The following CELSR1 variants were observed in gnomAD, a reference collection of about 807,000 sequenced individuals.
The protein encoded by CELSR1 is cadherin EGF LAG seven-pass G-type receptor 1.
A neutral mutation model predicts 249.1 loss-of-function variants in CELSR1; 110 were observed. The observed-to-expected ratio is 0.44, with a 90% confidence interval of 0.38 to 0.52. The LOEUF is 0.52. Among genes scored for constraint, CELSR1 ranks in the 20% least tolerant of loss-of-function variants. CELSR1 has a pLI of 0.00. For missense variants in CELSR1, 4,109 were observed against 4,296.4 expected (o/e 0.96, Z 1.22); for synonymous variants, 2,113 against 1,900.0 (o/e 1.11, Z -2.92).
rs1384438320 is a variant in CELSR1 at position 46,536,647 on chromosome 22, G to A, written c.524C>T (p.Pro175Leu). ...CAGACGCAGGCGGACCGAGCCGCCC[G>A]GCGGCAGGCAGATGGGACGGCCGGG... is the stretch of plus-strand genomic sequence containing the variant. ...RCPGRPICLP[P>L]GGSVRLRLLC... Residue 175 changes from proline to leucine, a missense_variant, in exon 1 of 35, where the codon CCG becomes CTG. Coordinates refer to ENST00000674500, the MANE Select transcript of CELSR1 (RefSeq NM_001378328.1). 1.7e-6 allele frequency: 2 copies of A among 1,167,268 alleles called. No individual in the cohort carries two copies. The highest frequency in any genetic ancestry group is 2.1e-6 in the Non-Finnish European group (2 of 948,396). 72.3% of individuals were successfully genotyped at this position (1,167,268 alleles called of 1,614,324 possible).
At chr22:46,516,857 C>T (rs2080633327) in intron 1 of CELSR1, among the ~76,000 whole-genome samples, 1 of 152,210 alleles carries the variant, frequency 6.6e-6, no homozygotes, top group Non-Finnish European at 1.5e-5. Flanking sequence ...AGGCAGGCGG[C>T]CGAGGGCTGT....
Position 46,362,602 on chromosome 22 carries a change from G to A in CELSR1, c.*621C>T, listed in dbSNP as rs1256436474. 6.5e-6 allele frequency: 1 copy of A among 152,868 alleles called. No individual in the cohort carries two copies. Among genetic ancestry groups the A allele is most frequent in the African/African-American group, 2.4e-5 (1 of 41,468 alleles). 9.5% of individuals were successfully genotyped at this position (152,868 alleles called of 1,614,324 possible). A position where few individuals can be genotyped will look rare whatever the true frequency, so the allele number is the denominator to read the frequency against. ...AGTACAACTGTGCAATCTTGACAGAGAAGACAGCAAGAGATCATTGCATGG... is the reference window on the plus strand; with the variant it reads ...AGTACAACTGTGCAATCTTGACAGAAAAGACAGCAAGAGATCATTGCATGG... On this transcript the variant is annotated 3_prime_UTR_variant, in exon 35 of 35. Coordinates refer to ENST00000674500, the MANE Select transcript of CELSR1 (RefSeq NM_001378328.1).
intron 5 of CELSR1, among the ~76,000 whole-genome samples, chr22:46,420,330 T>G (rs530615062): frequency 8.0e-5 from 12 of 150,538 alleles, no homozygotes; most frequent in Admixed American, 4.0e-4. Context: ...ACTCACCCAC[T>G]CGTGCACTCA....
Position 46,492,228 on chromosome 22 carries a change from C to G in CELSR1, c.3545-27883G>C, listed in dbSNP as rs1444004777. On this transcript the variant is annotated intron_variant, in intron 1 of 34. Transcript: ENST00000674500. Reference sequence around the variant, plus strand: ...CCAGATGCTACCAGACAGAAGATCTCCACGTTCACAGGCTAGTCTCATTTC... The same window carrying G: ...CCAGATGCTACCAGACAGAAGATCTGCACGTTCACAGGCTAGTCTCATTTC... Among the ~76,000 whole-genome samples, 3 of 151,842 alleles carry G rather than the reference C, an allele frequency of 2.0e-5. No individual in the cohort carries two copies. In the East Asian group the frequency reaches 5.8e-4, roughly 29 times the overall value.
rs2080123309 is a variant in CELSR1, at chr22:46,468,648, G to A, written c.3545-4303C>T. Reference sequence around the variant, plus strand: ...TTTAGTGGGTGTGGGGTTTCAGTTTGGGGCCATGAAAAAGTTCTGGAGATA... The same window carrying A: ...TTTAGTGGGTGTGGGGTTTCAGTTTAGGGCCATGAAAAAGTTCTGGAGATA... On this transcript the variant is annotated intron_variant, in intron 1 of 34. Coordinates refer to ENST00000674500, the MANE Select transcript of CELSR1 (RefSeq NM_001378328.1). The surrounding 1 kb of genome is among the most constrained non-coding windows in gnomAD (Gnocchi z 4.5). 6.6e-6 allele frequency among the ~76,000 whole-genome samples: 1 copy of A among 152,136 alleles called. No individual in the cohort carries two copies. The highest frequency in any genetic ancestry group is 2.4e-5 in the African/African-American group (1 of 41,444).
In CELSR1 at chr22:46,389,545, G is replaced by A. The variant is rs762900447; in HGVS notation, c.6346-46C>T. 1.4e-5 allele frequency: 22 copies of A among 1,576,574 alleles called. No homozygotes were observed. In the East Asian group the frequency reaches 2.7e-4, roughly 19 times the overall value. On this transcript the variant is annotated intron_variant, in intron 17 of 34. Coordinates refer to ENST00000674500, the MANE Select transcript of CELSR1 (RefSeq NM_001378328.1). ...TGATGTGTGCAAACCCACTTCGGCC[G>A]CTTTCAGTCCCTGCTGTTACTCAGC...
At chr22:46,489,386 C>T (rs1472911802) in intron 1 of CELSR1, among the ~76,000 whole-genome samples, 1 of 151,658 alleles carries the variant, frequency 6.6e-6, no homozygotes, top group African/African-American at 2.4e-5. Context: ...AATTGCAATC[C>T]GTCACCACCG....
At chr22:46,467,374 G>A (rs1043210291) in intron 1 of CELSR1, among the ~76,000 whole-genome samples, 4 of 152,142 alleles carry the variant, frequency 2.6e-5, no homozygotes, top group Non-Finnish European at 5.9e-5. Context: ...AACCCAATTA[G>A]AGAAGCCACA....
At position 46,490,319 on chromosome 22, in the gene CELSR1, C is replaced by T. The variant is rs1176891630; in HGVS notation, c.3545-25974G>A. On this transcript the variant is annotated intron_variant, in intron 1 of 34. Transcript: ENST00000674500. The surrounding 1 kb of genome is among the most constrained non-coding windows in gnomAD (Gnocchi z 5.2). ...TTTTTATTTTTGAGACAGAGTCTCG[C>T]TCTGCCACCCAGGCTGGAGTACAGC... is the stretch of plus-strand genomic sequence containing the variant. 6.6e-6 allele frequency among the ~76,000 whole-genome samples: 1 copy of T among 152,130 alleles called. No individual in the cohort carries two copies. Among genetic ancestry groups the T allele is most frequent in the Non-Finnish European group, 1.5e-5 (1 of 68,036 alleles).
Position 46,452,020 on chromosome 22 carries a change from G to A in CELSR1, c.4183+11687C>T, listed in dbSNP as rs140411781. Reference sequence around the variant, plus strand: ...AGCCACCAGGCGCCGGGGAGGCAGGGGGGCTCCTCCTAGAGCCTCCAGGAA... The same window carrying A: ...AGCCACCAGGCGCCGGGGAGGCAGGAGGGCTCCTCCTAGAGCCTCCAGGAA... On this transcript the variant is annotated intron_variant, in intron 2 of 34. Transcript: ENST00000674500. 2.6e-3 allele frequency among the ~76,000 whole-genome samples: 400 copies of A among 152,274 alleles called. 1 individual carries two copies. The highest frequency in any genetic ancestry group is 4.4e-3 in the Non-Finnish European group (296 of 68,014).
In CELSR1 at chr22:46,396,972, C is replaced by T. The variant is rs2079154796; in HGVS notation, c.5702-226G>A. Among the ~76,000 whole-genome samples, 1 of 152,050 alleles carries T rather than the reference C, an allele frequency of 6.6e-6. No homozygotes were observed. On this transcript the variant is annotated intron_variant, in intron 12 of 34. Transcript: ENST00000674500. The surrounding 1 kb of genome is among the most constrained non-coding windows in gnomAD (Gnocchi z 6.4). ...GGGCTGCCCCAAGGAGGGTGAGAGCCTTGGAACACGGGGCCCAGGCTGCCC... is the reference window on the plus strand; with the variant it reads ...GGGCTGCCCCAAGGAGGGTGAGAGCTTTGGAACACGGGGCCCAGGCTGCCC...
chr22:46,520,732 G>A (rs1320101624), intron 1 of CELSR1, among the ~76,000 whole-genome samples: 1 of 152,148 alleles, frequency 6.6e-6, no homozygotes, highest in East Asian at 1.9e-4. Flanking sequence ...AAAGTGCTAG[G>A]ATTACAGGTG....
rs747719381 is a variant in CELSR1, at chr22:46,391,299, A to G, written c.6149-12T>C. 26 of 1,611,610 alleles carry G rather than the reference A, an allele frequency of 1.6e-5. No homozygotes were observed. In the South Asian group the frequency reaches 2.0e-4, roughly 12 times the overall value. ...GCCATTGTAGATCACTGGGGTAGAG[A>G]AGAGAGAAGTCTGCTCAGCGGGGCA... is the stretch of plus-strand genomic sequence containing the variant. On this transcript the variant is annotated splice_polypyrimidine_tract_variant and intron_variant, in intron 15 of 34. Transcript: ENST00000674500. This position sits in a 1 kb window ranked among gnomAD's most constrained non-coding sequence, Gnocchi z 4.3.
rs2079614574 is a variant in CELSR1 at position 46,433,072 on chromosome 22, G to C, written c.4611+321C>G. Among the ~76,000 whole-genome samples, 1 of 151,798 alleles carries C rather than the reference G, an allele frequency of 6.6e-6. No individual in the cohort carries two copies. The highest frequency in any genetic ancestry group is 2.4e-5 in the African/African-American group (1 of 41,296). On this transcript the variant is annotated intron_variant, in intron 5 of 34. Coordinates refer to ENST00000674500, the MANE Select transcript of CELSR1 (RefSeq NM_001378328.1). The surrounding 1 kb of genome is among the most constrained non-coding windows in gnomAD (Gnocchi z 5.7). ...GATGGAATTTCGCTCTGTTACCCAG[G>C]CTGGAATACAGTGGCACGATCTCGG...
intron 1 of CELSR1, among the ~76,000 whole-genome samples, chr22:46,509,359 C>T (rs1823853559): frequency 6.6e-6 from 1 of 152,206 alleles, no homozygotes; most frequent in Non-Finnish European, 1.5e-5. Context: ...CCCCAAACCA[C>T]TGAGCAGGGC....
At chr22:46,457,047 G>T (rs1194617439) in intron 2 of CELSR1, among the ~76,000 whole-genome samples, 1 of 152,162 alleles carries the variant, frequency 6.6e-6, no homozygotes, top group Non-Finnish European at 1.5e-5. Context: ...CCCAGCTAGG[G>T]AGCACCCGAC....
At position 46,430,853 on chromosome 22, in the gene CELSR1, C is replaced by T. The variant is rs1055923999; in HGVS notation, c.4611+2540G>A. ...ACCTGGGTTTGTCAGAGCTGCCACT[C>T]GGAGACTAAGTCACGGAGCAGCAGT... On this transcript the variant is annotated intron_variant, in intron 5 of 34. Coordinates refer to ENST00000674500, the MANE Select transcript of CELSR1 (RefSeq NM_001378328.1). This position sits in a 1 kb window ranked among gnomAD's most constrained non-coding sequence, Gnocchi z 4.6. 1.1e-4 allele frequency among the ~76,000 whole-genome samples: 16 copies of T among 152,138 alleles called. 1 individual carries two copies. Among genetic ancestry groups the T allele is most frequent in the African/African-American group, 7.2e-5 (3 of 41,420 alleles).
At chr22:46,485,365 T>C (rs1306036835) in intron 1 of CELSR1, among the ~76,000 whole-genome samples, 6 of 152,056 alleles carry the variant, frequency 3.9e-5, no homozygotes, top group African/African-American at 1.2e-4. Context: ...CCTTTGTGAG[T>C]GGCGCCCCCA....
At chr22:46,481,594 A>C in intron 1 of CELSR1, 1 of 785,280 alleles carries the variant, frequency 1.3e-6, no homozygotes. Context: ...GCACTGGTGC[A>C]CCTGCTCCGT....
Sources: gnomAD v4.1 joint callset for allele counts (sites outside exome capture counted in the v4.1 genomes callset) on GRCh38, gnomAD v4.1.1 for gene constraint, Gnocchi (gnomAD v3.1) non-coding constraint, MANE v1.5 for transcripts, NCBI Gene and HGNC (gene_info 2026-07-23, HGNC 2026-07-21) for gene names.